The following LRRIQ1 variants were observed in gnomAD, a reference collection of about 807,000 sequenced individuals.
LRRIQ1 encodes leucine rich repeats and IQ motif containing 1.
LRRIQ1 carries 210 observed loss-of-function variants against 211.9 expected under a neutral mutation model. The ratio of observed to expected loss-of-function variants is 0.99; its 90% CI spans 0.89 to 1.11. The LOEUF (loss-of-function observed/expected upper bound fraction) is 1.11. Ranked by LOEUF, LRRIQ1 falls within the 50% of genes most tolerant of loss-of-function variation. LRRIQ1 has a pLI of 0.00. For synonymous variants in LRRIQ1, 699 were observed against 650.1 expected (o/e 1.08, Z -1.14); for missense variants, 2,136 against 1,939.5 (o/e 1.10, Z -1.90).
At chr12:85,168,156 A>G (rs2136786116) in intron 24 of LRRIQ1, among the ~76,000 whole-genome samples, 1 of 152,288 alleles carries the variant, frequency 6.6e-6, no homozygotes, top group South Asian at 2.1e-4. Flanking sequence ...CAAGCACCTC[A>G]GCAGGTCATG....
the LRRIQ1 span, among the ~76,000 whole-genome samples, chr12:85,270,069 T>C: frequency 6.6e-6 from 1 of 152,034 alleles, no homozygotes; most frequent in Non-Finnish European, 1.5e-5. Context: ...AATCTAACGT[T>C]ATTACCTCCT....
Position 85,152,930 on chromosome 12 carries a change from G to A in LRRIQ1, c.4420-94G>A, listed in dbSNP as rs970182270. 5 of 733,644 alleles carry A rather than the reference G, an allele frequency of 6.8e-6. No homozygotes were observed. In the African/African-American group the frequency reaches 9.2e-5, roughly 14 times the overall value. The allele number at this position is 733,644 out of a possible 1,614,324, so 45.4% of individuals were successfully genotyped here. On this transcript the variant is annotated intron_variant, in intron 20 of 26. Coordinates refer to ENST00000393217, the MANE Select transcript of LRRIQ1 (RefSeq NM_001079910.2). ...TTAATTTTATAATGAGTTTCCCTTA[G>A]GAGGCTATTTGGTAATATGCATGTA... is the stretch of plus-strand genomic sequence containing the variant.
intron 26 of LRRIQ1, among the ~76,000 whole-genome samples, chr12:85,241,977 C>T (rs1895481993): frequency 6.6e-6 from 1 of 151,986 alleles, no homozygotes; most frequent in Admixed American, 6.6e-5. Context: ...AATGTACATC[C>T]GTCATTTCAT....
At chr12:85,202,276 T>A (rs1893337221) in intron 24 of LRRIQ1, among the ~76,000 whole-genome samples, 1 of 152,048 alleles carries the variant, frequency 6.6e-6, no homozygotes, top group Non-Finnish European at 1.5e-5. Context: ...TTGTTTTGAG[T>A]GGAGTGTTCT....
intron 9 of LRRIQ1, among the ~76,000 whole-genome samples, chr12:85,066,428 G>A (rs774175859): frequency 8.6e-5 from 13 of 151,720 alleles, no homozygotes; most frequent in East Asian, 1.9e-4. Flanking sequence ...AACAATAGCC[G>A]TTCTCATTCA....
At chr12:85,252,288 G>A (rs979535092) in intron 1 of LRRIQ1, among the ~76,000 whole-genome samples, 7 of 151,790 alleles carry the variant, frequency 4.6e-5, no homozygotes, top group Non-Finnish European at 8.8e-5. Context: ...GTTTTCTATT[G>A]AAAAGTCAGT....
At position 85,098,919 on chromosome 12, in the gene LRRIQ1, A is replaced by G. The variant is rs377283061; in HGVS notation, c.3134A>G (p.Asn1045Ser). 2 of 1,573,810 alleles carry G rather than the reference A, an allele frequency of 1.3e-6. No individual in the cohort carries two copies. The highest frequency in any genetic ancestry group is 1.4e-5 in the African/African-American group (1 of 73,124). Residue 1045 changes from asparagine to serine, a missense_variant, in exon 13 of 27, where the codon AAC becomes AGC. Transcript: ENST00000393217. ...VLLRELHLDD[N>S]SISTVEAFSS... ...CTAAGAGAATTGCACTTGGATGATAACAGCATTTCAACTGTGGAAGCATTT... is the reference window on the plus strand; with the variant it reads ...CTAAGAGAATTGCACTTGGATGATAGCAGCATTTCAACTGTGGAAGCATTT...
At chr12:85,156,762 G>A (rs1293226272) in intron 23 of LRRIQ1, among the ~76,000 whole-genome samples, 3 of 151,676 alleles carry the variant, frequency 2.0e-5, no homozygotes, top group African/African-American at 7.3e-5. Flanking sequence ...TAAGCCACTA[G>A]AGAGCAACAT....
At position 85,198,870 on chromosome 12, in the gene LRRIQ1, T is replaced by C. The variant is rs944493521; in HGVS notation, c.4823-30647T>C. On this transcript the variant is annotated intron_variant, in intron 24 of 26. Coordinates refer to ENST00000393217, the MANE Select transcript of LRRIQ1 (RefSeq NM_001079910.2). ...GGTGTGAGACACCGCACCCGGCCGA[T>C]GTTAAGCATTTTTTATATGTTTGTT... 2.0e-5 allele frequency among the ~76,000 whole-genome samples: 3 copies of C among 152,088 alleles called. No homozygotes were observed. In the East Asian group the frequency reaches 5.8e-4, roughly 29 times the overall value.
intron 1 of LRRIQ1, among the ~76,000 whole-genome samples, chr12:85,255,353 G>T (rs976790741): frequency 3.3e-5 from 5 of 151,712 alleles, no homozygotes; most frequent in African/African-American, 1.2e-4. Flanking sequence ...TATGTCAATT[G>T]TTGCACAGTT....
chr12:85,175,730 C>A (rs1421809032), intron 24 of LRRIQ1, among the ~76,000 whole-genome samples: 1 of 152,112 alleles, frequency 6.6e-6, no homozygotes, highest in Admixed American at 6.5e-5. Context: ...ATATGGCTAG[C>A]CAGTTTTCCC....
At chr12:85,190,173 T>A (rs1427868134) in intron 24 of LRRIQ1, among the ~76,000 whole-genome samples, 2 of 143,866 alleles carry the variant, frequency 1.4e-5, no homozygotes, top group African/African-American at 5.0e-5. Context: ...ATATTATGTA[T>A]GATGTGTTAT....
chr12:85,171,904 C>G (rs1891438247), intron 24 of LRRIQ1, among the ~76,000 whole-genome samples: 1 of 152,148 alleles, frequency 6.6e-6, no homozygotes, highest in Non-Finnish European at 1.5e-5. Flanking sequence ...AAATAAATTT[C>G]TGTTATTTAA....
intron 24 of LRRIQ1, among the ~76,000 whole-genome samples, chr12:85,201,740 T>C (rs1893310610): frequency 6.6e-6 from 1 of 152,174 alleles, no homozygotes. Context: ...AAATGACTTT[T>C]GGATTTATCA....
At chr12:85,207,123 C>T (rs1241366790) in intron 24 of LRRIQ1, among the ~76,000 whole-genome samples, 1 of 152,118 alleles carries the variant, frequency 6.6e-6, no homozygotes, top group Non-Finnish European at 1.5e-5. Context: ...GAGTGGGTCA[C>T]TTGTCACCTG....
intron 11 of LRRIQ1, among the ~76,000 whole-genome samples, chr12:85,084,300 T>C (rs1309283861): frequency 1.3e-5 from 2 of 152,146 alleles, no homozygotes; most frequent in African/African-American, 4.8e-5. Context: ...AATGTGCTCA[T>C]ATATGAAGGA....
At chr12:85,063,318 G>A (rs1882066306) in intron 8 of LRRIQ1, among the ~76,000 whole-genome samples, 1 of 151,262 alleles carries the variant, frequency 6.6e-6, no homozygotes, top group Non-Finnish European at 1.5e-5. Flanking sequence ...ATTAATTTAA[G>A]ATAGATGAAA....
intron 11 of LRRIQ1, among the ~76,000 whole-genome samples, chr12:85,075,881 C>A (rs1009833222): frequency 6.6e-6 from 1 of 151,740 alleles, no homozygotes; most frequent in African/African-American, 2.4e-5. Flanking sequence ...TCTGACCCCA[C>A]CAGATAAGAA....
intron 21 of LRRIQ1, 53 bp from the exon 22 acceptor site, chr12:85,153,610 G>C: frequency 9.0e-7 from 1 of 1,111,584 alleles, no homozygotes; most frequent in Non-Finnish European, 1.3e-6. Context: ...GTTTTAAAAA[G>C]TGCTGATATA....
Sources: gnomAD v4.1 joint callset for allele counts (sites outside exome capture counted in the v4.1 genomes callset) on GRCh38, gnomAD v4.1.1 for gene constraint, MANE v1.5 for transcripts, NCBI Gene and HGNC (gene_info 2026-07-23, HGNC 2026-07-21) for gene names.